Variants in KCNH1 observed in about 807,000 individuals in gnomAD.
KCNH1 encodes the protein voltage-gated delayed rectifier potassium channel KCNH1.
A neutral mutation model predicts 69.2 loss-of-function variants in KCNH1; 27 were observed. That is an observed-to-expected ratio of 0.39 (90% CI 0.29 to 0.54). KCNH1 has a LOEUF of 0.54. Ranked by LOEUF, KCNH1 falls within the 20% of genes least tolerant of loss-of-function variation. KCNH1 has a pLI of 0.68. For missense variants in KCNH1, 798 were observed against 1,261.6 expected, an observed-to-expected ratio of 0.63 and a Z score of 5.57; for synonymous variants, 456 against 487.7, an observed-to-expected ratio of 0.93 and a Z score of 0.86.
intron 3 of KCNH1, among the ~76,000 whole-genome samples, chr1:211,092,500 T>C (rs1339427216): frequency 6.6e-6 from 1 of 152,220 alleles, no homozygotes; most frequent in Non-Finnish European, 1.5e-5. Context: ...CTTTGCATAA[T>C]TTTTAGCTGC....
chr1:210,901,662 G>A (rs927566895), intron 7 of KCNH1, among the ~76,000 whole-genome samples: 3 of 152,222 alleles, frequency 2.0e-5, no homozygotes, highest in African/African-American at 7.2e-5. Context: ...TCCAGGGGCT[G>A]GAGATGGGGC....
chr1:211,056,529 G>A (rs2102445370), intron 5 of KCNH1, among the ~76,000 whole-genome samples: 1 of 152,284 alleles, frequency 6.6e-6, no homozygotes, highest in Non-Finnish European at 1.5e-5. Context: ...TAGAGCCCTT[G>A]GGCCTTGAGT....
At chr1:211,022,209 A>G (rs747369124) in intron 5 of KCNH1, among the ~76,000 whole-genome samples, 20 of 152,216 alleles carry the variant, frequency 1.3e-4, no homozygotes, top group Non-Finnish European at 2.9e-4. Context: ...AAAGGCGCCA[A>G]GAATATACAT....
At chr1:210,879,304 C>G (rs1053926229) in intron 7 of KCNH1, among the ~76,000 whole-genome samples, 1 of 151,982 alleles carries the variant, frequency 6.6e-6, no homozygotes, top group Non-Finnish European at 1.5e-5. Context: ...CTAACAAAGA[C>G]ATTACAGAAA....
intron 7 of KCNH1, among the ~76,000 whole-genome samples, chr1:210,807,376 G>A (rs1251294029): frequency 6.6e-6 from 1 of 151,914 alleles, no homozygotes; most frequent in East Asian, 1.9e-4. Flanking sequence ...AGGCCAAGGC[G>A]GGCAGATCAC....
chr1:211,009,690 C>A (rs2102406908), intron 6 of KCNH1, among the ~76,000 whole-genome samples: 1 of 151,918 alleles, frequency 6.6e-6, no homozygotes, highest in East Asian at 1.9e-4. Flanking sequence ...CTCTCTGCAA[C>A]CTCCACCTCC....
At chr1:210,714,829 T>C (rs116398939) in intron 10 of KCNH1, among the ~76,000 whole-genome samples, 90 of 152,342 alleles carry the variant, frequency 5.9e-4, no homozygotes, top group African/African-American at 2.0e-3. Context: ...AAGAAAGAAA[T>C]GAATCTTGTT....
chr1:211,011,123 T>C (rs903490782), intron 6 of KCNH1, among the ~76,000 whole-genome samples: 1 of 152,136 alleles, frequency 6.6e-6, no homozygotes, highest in African/African-American at 2.4e-5. Context: ...ATGCTATCCC[T>C]CCCCTACCCC....
chr1:210,967,493 GA>G (rs5780620), intron 6 of KCNH1, among the ~76,000 whole-genome samples: 8 of 151,680 alleles, frequency 5.3e-5, no homozygotes, highest in African/African-American at 1.4e-4. Flanking sequence ...ATATGAGGGA[GA>G]AAAAAAATCA....
intron 7 of KCNH1, chr1:210,862,331 G>A: frequency 1.4e-6 from 1 of 716,330 alleles, no homozygotes; most frequent in Non-Finnish European, 2.6e-6. Context: ...TACTGGGCCA[G>A]GAATAGCACT....
At chr1:210,802,112 C>T (rs1574265017) in intron 8 of KCNH1, among the ~76,000 whole-genome samples, 1 of 152,128 alleles carries the variant, frequency 6.6e-6, no homozygotes, top group African/African-American at 2.4e-5. Context: ...TAGTGCAAGA[C>T]CAGGCATGTA....
intron 5 of KCNH1, among the ~76,000 whole-genome samples, chr1:211,041,961 G>T (rs570514547): frequency 6.6e-6 from 1 of 152,206 alleles, no homozygotes; most frequent in Admixed American, 6.5e-5. Flanking sequence ...CATCATGTTG[G>T]CCAGGCTGGT....
intron 5 of KCNH1, among the ~76,000 whole-genome samples, chr1:211,020,533 T>C (rs1027125240): frequency 2.6e-5 from 4 of 151,944 alleles, no homozygotes; most frequent in Non-Finnish European, 2.9e-5. Context: ...CAGGACCAGA[T>C]GGCTTCAAAG....
At chr1:210,727,069 T>A (rs1229924540) in intron 10 of KCNH1, among the ~76,000 whole-genome samples, 1 of 152,220 alleles carries the variant, frequency 6.6e-6, no homozygotes, top group Admixed American at 6.5e-5. Flanking sequence ...TGATTACTTA[T>A]GTCTTGATGG....
chr1:210,720,495 G>A (rs1682426629), intron 10 of KCNH1, among the ~76,000 whole-genome samples: 1 of 152,184 alleles, frequency 6.6e-6, no homozygotes, highest in African/African-American at 2.4e-5. Context: ...GACCAAGTTC[G>A]CTTGGGGACA....
chr1:210,845,950 G>A (rs2102459775), intron 7 of KCNH1, among the ~76,000 whole-genome samples: 1 of 152,224 alleles, frequency 6.6e-6, no homozygotes, highest in South Asian at 2.1e-4. Context: ...CAAACAGAGA[G>A]CCAAATCATG....
chr1:210,907,545 A>T (rs1687127972), intron 7 of KCNH1, among the ~76,000 whole-genome samples: 4 of 150,664 alleles, frequency 2.7e-5, no homozygotes, highest in Admixed American at 2.7e-4. Context: ...AAAAAAAGCA[A>T]GCTGAATGGA....
chr1:211,117,688 G>A (rs1691606217), intron 1 of KCNH1, among the ~76,000 whole-genome samples: 1 of 152,192 alleles, frequency 6.6e-6, no homozygotes, highest in Non-Finnish European at 1.5e-5. Flanking sequence ...TTTGTGAGAA[G>A]AAAGGGGATG....
chr1:210,915,007 G>C (rs576590968), intron 7 of KCNH1, among the ~76,000 whole-genome samples: 1 of 152,250 alleles, frequency 6.6e-6, no homozygotes, highest in South Asian at 2.1e-4. Context: ...AATCAGAAAA[G>C]TGCAAAGCCC....
Sources: gnomAD v4.1 joint callset for allele counts (sites outside exome capture counted in the v4.1 genomes callset) on GRCh38, gnomAD v4.1.1 for gene constraint, MANE v1.5 for transcripts, NCBI Gene and HGNC (gene_info 2026-07-23, HGNC 2026-07-21) for gene names.